The following PHTF2 variants were observed in gnomAD, a reference collection of about 807,000 sequenced individuals.
PHTF2 encodes putative homeodomain transcription factor 2, also known as protein PHTF2.
Under a neutral mutation model 101.2 loss-of-function variants are expected in PHTF2, and 60 were observed. That is an observed-to-expected ratio of 0.59 (90% CI 0.48 to 0.73). The LOEUF (loss-of-function observed/expected upper bound fraction) is 0.73, where lower values mean the gene tolerates loss of function less well. PHTF2 is among the 30% of genes least tolerant of loss of function. The probability of loss-of-function intolerance (pLI) is 0.00; values close to 1 mark genes in which losing one functional copy is unlikely to be tolerated. For missense variants in PHTF2, 747 were observed against 908.7 expected (o/e 0.82, Z 2.29); for synonymous variants, 311 against 307.3 (o/e 1.01, Z -0.13).
At chr7:77,813,595 GTATT>G (rs1174840694) in intron 1 of PHTF2, among the ~76,000 whole-genome samples, 1 of 152,184 alleles carries the variant, frequency 6.6e-6, no homozygotes, top group African/African-American at 2.4e-5. Flanking sequence ...GAAAGGCATT[GTATT>G]TATTCAGCAC....
exon 20 of PHTF2, chr7:77,955,211 C>T (rs373240996): frequency 1.2e-5 from 2 of 166,074 alleles, no homozygotes. Flanking sequence ...TGCTCAGCAC[C>T]GTTTCTCCAT....
At chr7:77,938,842 T>C (rs1805390414) in intron 13 of PHTF2, among the ~76,000 whole-genome samples, 1 of 152,230 alleles carries the variant, frequency 6.6e-6, no homozygotes, top group Non-Finnish European at 1.5e-5. Context: ...TGTTTTTAAC[T>C]TGCAATTTCT....
intron 1 of PHTF2, among the ~76,000 whole-genome samples, chr7:77,818,639 A>G (rs182545650): frequency 1.5e-4 from 23 of 152,268 alleles, no homozygotes; most frequent in Admixed American, 4.6e-4. Context: ...TGCCAGTACT[A>G]TGCTGTTTTG....
intron 2 of PHTF2, among the ~76,000 whole-genome samples, chr7:77,843,563 T>G (rs1334869760): frequency 6.6e-6 from 1 of 152,236 alleles, no homozygotes; most frequent in Non-Finnish European, 1.5e-5. Context: ...CTTAAATATA[T>G]GCTTACTAAA....
At chr7:77,868,676 T>G (rs374025127) in intron 3 of PHTF2, among the ~76,000 whole-genome samples, 3 of 152,302 alleles carry the variant, frequency 2.0e-5, no homozygotes, top group East Asian at 3.9e-4. Context: ...GCTATTATTT[T>G]GAGAAAAGAC....
At chr7:77,807,422 G>T (rs909862898) in intron 1 of PHTF2, among the ~76,000 whole-genome samples, 4 of 151,776 alleles carry the variant, frequency 2.6e-5, no homozygotes, top group Non-Finnish European at 5.9e-5. Context: ...ATATCTTGTG[G>T]TTTTGATTTG....
At chr7:77,947,877 C>CG (rs1263057357) in intron 16 of PHTF2, among the ~76,000 whole-genome samples, 7 of 101,666 alleles carry the variant, frequency 6.9e-5, no homozygotes, top group African/African-American at 2.3e-4. Context: ...TTTGCTCTGT[C>CG]GGCCAGGCTG....
chr7:77,949,028 A>G (rs1440273636), intron 16 of PHTF2, among the ~76,000 whole-genome samples: 1 of 152,212 alleles, frequency 6.6e-6, no homozygotes, highest in African/African-American at 2.4e-5. Flanking sequence ...GCAACAAAAT[A>G]TTAATGATAG....
At chr7:77,813,736 G>A (rs188814810) in intron 1 of PHTF2, among the ~76,000 whole-genome samples, 1 of 152,168 alleles carries the variant, frequency 6.6e-6, no homozygotes, top group South Asian at 2.1e-4. Context: ...ACTTTTCTCT[G>A]TGATGTGGAG....
At chr7:77,917,852 G>A (rs1376057698) in intron 9 of PHTF2, among the ~76,000 whole-genome samples, 1 of 152,090 alleles carries the variant, frequency 6.6e-6, no homozygotes, top group East Asian at 1.9e-4. Flanking sequence ...TTTTTCTTTT[G>A]CCACTGCAGT....
At chr7:77,875,995 C>T (rs1044981544) in intron 3 of PHTF2, among the ~76,000 whole-genome samples, 5 of 152,146 alleles carry the variant, frequency 3.3e-5, no homozygotes, top group Admixed American at 3.3e-4. Flanking sequence ...GAGGCAACTA[C>T]GGTTTAGAGA....
intron 1 of PHTF2, among the ~76,000 whole-genome samples, chr7:77,824,019 C>T (rs986659565): frequency 1.3e-5 from 2 of 152,028 alleles, no homozygotes; most frequent in African/African-American, 2.4e-5. Flanking sequence ...CAGCTTGTAC[C>T]AGGTGTATGG....
At chr7:77,928,157 A>G (rs968679857) in intron 11 of PHTF2, among the ~76,000 whole-genome samples, 4 of 152,052 alleles carry the variant, frequency 2.6e-5, no homozygotes, top group African/African-American at 9.7e-5. Context: ...TTTTAAAGGT[A>G]CATGACAAAT....
rs201240363 is a variant in PHTF2 at position 77,803,686 on chromosome 7, GGCGT to G, written c.-36+4717_-36+4720del. 8.0e-3 allele frequency among the ~76,000 whole-genome samples: 1,120 copies of G among 140,786 alleles called. 7 individuals are homozygous for G. The highest frequency in any genetic ancestry group is 0.013 in the Non-Finnish European group (847 of 65,612). 92.4% of individuals were successfully genotyped at this position (140,786 alleles called of 152,430 possible). ...TGCAGTTATTTGACTGAGTTGAACA[GGCGT>G]GTGTGTGTGTGTGTGTGTGTGTGTG... On this transcript the variant is annotated intron_variant, in intron 1 of 19. Coordinates refer to ENST00000416283, the Ensembl canonical transcript of PHTF2.
chr7:77,870,630 A>G (rs1798439512), intron 3 of PHTF2, among the ~76,000 whole-genome samples: 2 of 152,140 alleles, frequency 1.3e-5, no homozygotes, highest in South Asian at 2.1e-4. Context: ...TCCTTTGGCA[A>G]CACCCTCACA....
intron 3 of PHTF2, among the ~76,000 whole-genome samples, chr7:77,892,350 C>T (rs1204885808): frequency 6.6e-6 from 1 of 152,166 alleles, no homozygotes; most frequent in Non-Finnish European, 1.5e-5. Context: ...TTTTATTCTA[C>T]CTCCTTTGTG....
chr7:77,922,848 A>G, intron 11 of PHTF2, 70 bp downstream of exon 10: 1 of 1,290,726 alleles, frequency 7.7e-7, no homozygotes, highest in Admixed American at 2.7e-5. Context: ...AACTTCTTTC[A>G]ACAATTAAAA....
intron 3 of PHTF2, among the ~76,000 whole-genome samples, chr7:77,868,604 T>C (rs1177976228): frequency 6.6e-6 from 1 of 152,182 alleles, no homozygotes; most frequent in East Asian, 1.9e-4. Flanking sequence ...TTTACTTAAT[T>C]CTCATCTAAA....
At chr7:77,923,402 CTT>C (rs1324213005) in intron 11 of PHTF2, 3 of 981,216 alleles carry the variant, frequency 3.1e-6, no homozygotes, top group Non-Finnish European at 2.4e-6. Context: ...ACCTTCTACT[CTT>C]TTTGAGCTAT....
Sources: gnomAD v4.1 joint callset for allele counts (sites outside exome capture counted in the v4.1 genomes callset) on GRCh38, gnomAD v4.1.1 for gene constraint, MANE v1.5 for transcripts, NCBI Gene and HGNC (gene_info 2026-07-23, HGNC 2026-07-21) for gene names.